PPP2R3A: variants seen among roughly 807,000 people sequenced by gnomAD.
The protein encoded by PPP2R3A is protein phosphatase 2 regulatory subunit B''alpha.
A neutral mutation model predicts 106.9 loss-of-function variants in PPP2R3A; 80 were observed. The observed-to-expected ratio is 0.75, with a 90% CI of 0.62 to 0.90. The LOEUF is 0.90. Among genes scored for constraint, PPP2R3A ranks in the 40% least tolerant of loss-of-function variants. PPP2R3A has a pLI of 0.00. For missense variants in PPP2R3A, 1,386 were observed against 1,350.4 expected, an observed-to-expected ratio of 1.03 and a Z score of -0.41; for synonymous variants, 483 against 468.3, an observed-to-expected ratio of 1.03 and a Z score of -0.41.
chr3:135,996,126 A>G (rs1195277591), intron 1 of PPP2R3A, among the ~76,000 whole-genome samples: 1 of 152,214 alleles, frequency 6.6e-6, no homozygotes, highest in Admixed American at 6.5e-5. Flanking sequence ...GCTACCAACT[A>G]TAAGATGTAT....
Position 136,106,311 on chromosome 3 carries a change from A to G in PPP2R3A, c.3318A>G (p.Gln1106=). 1.2e-6 allele frequency: 2 copies of G among 1,613,906 alleles called. No homozygotes were observed. The highest frequency in any genetic ancestry group is 8.5e-7 in the Non-Finnish European group (1 of 1,179,850). Residue 1106 remains glutamine, a synonymous_variant, in exon 13 of 14, where the codon CAA becomes CAG. Coordinates refer to ENST00000264977, the MANE Select transcript of PPP2R3A (RefSeq NM_002718.5). ...TLVAEESAQA[Q]FQEGFEDYET... ...TTGCAGAGGAATCTGCCCAAGCACA[A>G]TTCCAGGAAGGGTGAGTAAGTTTCC...
intron 5 of PPP2R3A, among the ~76,000 whole-genome samples, chr3:136,067,884 G>A (rs1462104234): frequency 6.6e-6 from 1 of 152,160 alleles, no homozygotes; most frequent in Non-Finnish European, 1.5e-5. Context: ...ATAAACATGG[G>A]TCATCTTATG....
chr3:135,998,947 G>T (rs1933510348), intron 1 of PPP2R3A, among the ~76,000 whole-genome samples: 1 of 152,150 alleles, frequency 6.6e-6, no homozygotes, highest in Non-Finnish European at 1.5e-5. Context: ...TTCTGCTTGT[G>T]AATATTGTCC....
chr3:136,097,315 CT>C (rs1937239945), intron 10 of PPP2R3A, among the ~76,000 whole-genome samples: 1 of 152,198 alleles, frequency 6.6e-6, no homozygotes, highest in South Asian at 2.1e-4. Context: ...TGCTGCTAAA[CT>C]TTTCAGGGAC....
At chr3:135,991,524 G>T (rs1224809025) in intron 1 of PPP2R3A, among the ~76,000 whole-genome samples, 1 of 146,056 alleles carries the variant, frequency 6.8e-6, no homozygotes, top group African/African-American at 2.8e-5. Context: ...CTCAGAGAAA[G>T]CAGTAGCTTT....
rs1410518922 is a variant in PPP2R3A, at chr3:136,040,932, C to T, written c.2336C>T (p.Thr779Ile). Reference sequence around the variant, plus strand: ...GGGGGAGAGAAGACAGGATTTGTGACAGCACAGTCATTCATTGCCATGTGG... The same window carrying T: ...GGGGGAGAGAAGACAGGATTTGTGATAGCACAGTCATTCATTGCCATGTGG... ...AAGGEKTGFV[T>I]AQSFIAMWRK... Residue 779 changes from threonine (T) to isoleucine (I), a missense_variant, in exon 4 of 14, where the codon ACA becomes ATA. Physicochemically the swap from Thr to Ile is moderately conservative, Grantham distance 89. Transcript: ENST00000264977. The T allele has an allele frequency of 1.9e-6, 3 of 1,613,600 alleles. No homozygotes were observed. The highest frequency in any genetic ancestry group is 1.7e-5 in the Admixed American group (1 of 59,968).
chr3:136,010,634 G>C (rs901926053), intron 2 of PPP2R3A, among the ~76,000 whole-genome samples: 1 of 151,970 alleles, frequency 6.6e-6, no homozygotes, highest in Non-Finnish European at 1.5e-5. Context: ...CACCATGTTG[G>C]TCAGGCTGGT....
intron 8 of PPP2R3A, among the ~76,000 whole-genome samples, chr3:136,083,172 C>T (rs548575123): frequency 3.9e-4 from 60 of 152,116 alleles, no homozygotes; most frequent in Non-Finnish European, 8.4e-4. Flanking sequence ...TGCCACCATA[C>T]CTGGCTAATT....
intron 3 of PPP2R3A, among the ~76,000 whole-genome samples, chr3:136,030,077 G>T (rs1576446746): frequency 6.6e-6 from 1 of 152,088 alleles, no homozygotes; most frequent in African/African-American, 2.4e-5. Context: ...AATTGCCTGG[G>T]TGTAGTGACA....
At chr3:135,995,664 G>A (rs924434984) in intron 1 of PPP2R3A, among the ~76,000 whole-genome samples, 26 of 151,930 alleles carry the variant, frequency 1.7e-4, no homozygotes, top group African/African-American at 6.3e-4. Flanking sequence ...GTAGAGATGG[G>A]GTCTCACCAT....
rs1436264392 is a variant in PPP2R3A at position 136,060,524 on chromosome 3, G to GA, written c.2470-9951dup. On this transcript the variant is annotated intron_variant, in intron 5 of 13. Coordinates refer to ENST00000264977, the MANE Select transcript of PPP2R3A (RefSeq NM_002718.5). ...CAGTTCTCATGAGATCTGATTGTTT[G>GA]AAAGTGTGTAGCACCTCCCCCTTGT... is the stretch of plus-strand genomic sequence containing the variant. 2.0e-5 allele frequency among the ~76,000 whole-genome samples: 3 copies of GA among 152,062 alleles called. No homozygotes were observed. The East Asian group carries it at 5.8e-4, about 29-fold the overall frequency.
chr3:136,144,063 TATCA>T (rs1439963898), intron 13 of PPP2R3A, among the ~76,000 whole-genome samples: 1 of 152,198 alleles, frequency 6.6e-6, no homozygotes, highest in Non-Finnish European at 1.5e-5. Context: ...TCAGAATATT[TATCA>T]ATATTTCAGG....
Position 136,146,163 on chromosome 3 carries a change from G to C in PPP2R3A, c.*997G>C, listed in dbSNP as rs567543876. The C allele has an allele frequency of 1.3e-5, 2 of 152,098 alleles. No individual in the cohort carries two copies. The highest frequency in any genetic ancestry group is 4.8e-5 in the African/African-American group (2 of 41,400). 9.4% of individuals were successfully genotyped at this position (152,098 alleles called of 1,614,324 possible). A position where few individuals can be genotyped will look rare whatever the true frequency, so the allele number is the denominator to read the frequency against. On this transcript the variant is annotated 3_prime_UTR_variant, in exon 14 of 14. Transcript: ENST00000264977. Reference sequence around the variant, plus strand: ...TTTCATCCACCTCAGTATTTATCAAGGAAATGGAAAATGATACAGCTATAA... The same window carrying C: ...TTTCATCCACCTCAGTATTTATCAACGAAATGGAAAATGATACAGCTATAA...
chr3:136,129,546 G>T (rs962758651), intron 13 of PPP2R3A, among the ~76,000 whole-genome samples: 1 of 152,102 alleles, frequency 6.6e-6, no homozygotes, highest in African/African-American at 2.4e-5. Context: ...ACCAAAAAAA[G>T]TCCAGGACCA....
At chr3:136,005,436 C>T (rs1182607328) in intron 2 of PPP2R3A, among the ~76,000 whole-genome samples, 1 of 152,150 alleles carries the variant, frequency 6.6e-6, no homozygotes, top group African/African-American at 2.4e-5. Flanking sequence ...TAAAACAATA[C>T]ATACTTTTAA....
chr3:136,013,178 GTGTGTA>G (rs767293506), intron 2 of PPP2R3A, among the ~76,000 whole-genome samples: 4,430 of 126,506 alleles, frequency 0.035, 82 homozygotes, highest in Non-Finnish European at 0.048. Flanking sequence ...GTGTGTGTGT[GTGTGTA>G]TGTATGTATG....
In PPP2R3A at chr3:136,086,991, T is replaced by G. The variant is rs146441098; in HGVS notation, c.2789-892T>G. On this transcript the variant is annotated intron_variant, in intron 8 of 13. Coordinates refer to ENST00000264977, the MANE Select transcript of PPP2R3A (RefSeq NM_002718.5). ...CTGAGGTGGGCAGATCACCTGAGGT[T>G]GTGAGTTCAAGACCAGCCTGCCCAA... 6.5e-3 allele frequency among the ~76,000 whole-genome samples: 988 copies of G among 152,162 alleles called. 14 individuals are homozygous for G. The highest frequency in any genetic ancestry group is 0.023 in the African/African-American group (940 of 41,514).
intron 13 of PPP2R3A, among the ~76,000 whole-genome samples, chr3:136,129,492 C>G (rs1408734805): frequency 1.3e-5 from 2 of 152,074 alleles, no homozygotes; most frequent in Non-Finnish European, 2.9e-5. Flanking sequence ...CTGAATAGAC[C>G]AATAACAGGC....
intron 3 of PPP2R3A, among the ~76,000 whole-genome samples, chr3:136,036,033 A>G (rs1935074390): frequency 6.6e-6 from 1 of 151,426 alleles, no homozygotes; most frequent in African/African-American, 2.4e-5. Flanking sequence ...TTTCCAGAGC[A>G]TTTTGCGTTT....
Sources: allele counts gnomAD v4.1 joint callset (sites outside exome capture counted in the v4.1 genomes callset), GRCh38; gene constraint gnomAD v4.1.1; transcripts MANE v1.5; gene names NCBI Gene and HGNC (gene_info 2026-07-23, HGNC 2026-07-21).